Variants in GET1 observed in about 807,000 individuals in gnomAD.
GET1 encodes guided entry of tail-anchored proteins factor 1.
Under a neutral mutation model 22.6 loss-of-function variants are expected in GET1, and 20 were observed. That is an observed-to-expected ratio of 0.89 (90% CI 0.62 to 1.29). The LOEUF is 1.29. GET1 is among the 50% of genes most tolerant of loss of function. The probability of loss-of-function intolerance (pLI) is 0.00; values close to 1 mark genes in which losing one functional copy is unlikely to be tolerated. For synonymous variants in GET1, 92 were observed against 83.8 expected, an observed-to-expected ratio of 1.10 and a Z score of -0.53; for missense variants, 209 against 219.9, an observed-to-expected ratio of 0.95 and a Z score of 0.31.
chr21:39,396,497 C>T (rs535834666), intron 4 of GET1, among the ~76,000 whole-genome samples: 1 of 151,300 alleles, frequency 6.6e-6, no homozygotes, highest in South Asian at 2.1e-4. Flanking sequence ...CACTGTACTC[C>T]CACCTGGGTG....
intron 4 of GET1, 114 bp downstream of exon 4, chr21:39,393,394 G>T: frequency 1.2e-6 from 1 of 832,988 alleles, no homozygotes; most frequent in Non-Finnish European, 1.9e-6. Context: ...AGTGAGCGGG[G>T]TTTTGTGTCT....
At chr21:39,403,436 C>T (rs1323922934) in intron 4 of GET1, among the ~76,000 whole-genome samples, 1 of 151,872 alleles carries the variant, frequency 6.6e-6, no homozygotes, top group Non-Finnish European at 1.5e-5. Context: ...ACGCCATTCT[C>T]CCGCCTCAGC....
chr21:39,393,621 T>C (rs1204696740), intron 4 of GET1, among the ~76,000 whole-genome samples: 1 of 152,186 alleles, frequency 6.6e-6, no homozygotes, highest in Admixed American at 6.6e-5. Context: ...TTGGCTTCTC[T>C]GTAGCACTTG....
At chr21:39,393,088 G>C in intron 3 of GET1, 78 bp from the exon 4 acceptor site, 1 of 1,250,178 alleles carries the variant, frequency 8.0e-7, no homozygotes, top group East Asian at 2.3e-5. Context: ...TTTTATTTTC[G>C]CATTTCCCTG....
downstream of GET1, among the ~76,000 whole-genome samples, chr21:39,400,199 G>GC (rs35118065): frequency 0.63 from 95,031 of 151,928 alleles, 30,593 homozygotes; most frequent in East Asian, 0.77. Context: ...CGTGCTGACA[G>GC]CCCCCCGGAA....
intron 1 of GET1, chr21:39,411,743 T>C (rs1164022089): frequency 6.4e-7 from 1 of 1,571,394 alleles, no homozygotes; most frequent in Non-Finnish European, 8.7e-7. Flanking sequence ...CTGTGTCATG[T>C]AAATTTTTAA....
intron 1 of GET1, chr21:39,381,053 C>A (rs2037524762): frequency 5.7e-6 from 4 of 704,742 alleles, no homozygotes; most frequent in South Asian, 1.3e-4. Context: ...TGTCTCACGG[C>A]TGCTGGGAGA....
At chr21:39,410,424 G>T, downstream of GET1, 1 of 894,704 alleles carries the variant, frequency 1.1e-6, no homozygotes, top group Non-Finnish European at 1.8e-6. Flanking sequence ...ATACAATATT[G>T]ATTTTAAACA....
rs934473418 is a variant in GET1, at chr21:39,380,375, A to G, written c.-10A>G. The G allele has an allele frequency of 7.5e-6, 12 of 1,594,394 alleles. No individual in the cohort carries two copies. The highest frequency in any genetic ancestry group is 1.0e-5 in the Non-Finnish European group (12 of 1,169,098). On this transcript the variant is annotated 5_prime_UTR_variant, in exon 1 of 5. Coordinates refer to ENST00000649170, the MANE Select transcript of GET1 (RefSeq NM_004627.6). The stretch of plus-strand genomic sequence containing the variant: ...CCGTAGCGGACCCAGCACAGCCAGG[A>G]GCGTCCGGGATGAGCTCAGCCGCGG...
rs2038313773 is a variant in GET1, at chr21:39,391,809, G to A, written c.309G>A (p.Val103=). Residue 103 remains valine, a synonymous_variant, in exon 3 of 5, where the codon GTG becomes GTA. Transcript: ENST00000649170. The part of the protein sequence containing the change: ...RTAQLAKIKW[V]ISVAFYVLQA... ...CTCAATTAGCCAAGATAAAATGGGT[G>A]ATAAGTGTCGCTTTCTACGTATTGC... is the stretch of plus-strand genomic sequence containing the variant. The A allele has an allele frequency of 6.2e-7, 1 of 1,614,062 alleles. No individual in the cohort carries two copies. Among genetic ancestry groups the A allele is most frequent in the African/African-American group, 1.3e-5 (1 of 74,922 alleles).
At chr21:39,402,896 TCTAA>T (rs1435788967) in intron 4 of GET1, among the ~76,000 whole-genome samples, 5 of 152,214 alleles carry the variant, frequency 3.3e-5, no homozygotes, top group African/African-American at 9.7e-5. Flanking sequence ...TCTGTTACCC[TCTAA>T]CTTTTTTATT....
Position 39,397,704 on chromosome 21 carries a change from C to G in GET1, c.*765C>G, listed in dbSNP as rs1383513494. On this transcript the variant is annotated 3_prime_UTR_variant, in exon 5 of 5. Coordinates refer to ENST00000649170, the MANE Select transcript of GET1 (RefSeq NM_004627.6). ...AGTCCTGATTAATCTGAACCAATAA[C>G]CTGTGTGGCCTACAAAGTATAATTC... The G allele has an allele frequency of 6.6e-6, 1 of 151,946 alleles. No homozygotes were observed. The highest frequency in any genetic ancestry group is 1.9e-4 in the East Asian group (1 of 5,190). 9.4% of individuals were successfully genotyped at this position (151,946 alleles called of 1,614,324 possible). A position where few individuals can be genotyped will look rare whatever the true frequency, so the allele number is the denominator to read the frequency against.
chr21:39,391,177 G>A, intron 2 of GET1: 3 of 227,524 alleles, frequency 1.3e-5, no homozygotes, highest in African/African-American at 2.3e-5. Flanking sequence ...GAGAAGCCCA[G>A]AAAAAAAGTC....
downstream of GET1, among the ~76,000 whole-genome samples, chr21:39,399,640 T>TA (rs2038790450): frequency 6.6e-6 from 1 of 151,972 alleles, no homozygotes; most frequent in African/African-American, 2.4e-5. Flanking sequence ...GGGGTTTCAC[T>TA]ATGTTGGCCG....
At chr21:39,380,773 C>A (rs2037507140) in intron 1 of GET1, 1 of 1,120,706 alleles carries the variant, frequency 8.9e-7, no homozygotes, top group Non-Finnish European at 1.1e-6. Context: ...TCCTAGTGCC[C>A]CGCTGTCAGC....
intron 1 of GET1, chr21:39,387,791 CG>C: frequency 1.0e-6 from 1 of 985,106 alleles, no homozygotes; most frequent in Non-Finnish European, 1.2e-6. Context: ...AGGCGACTGG[CG>C]GGTCGCGGCT....
chr21:39,406,150 G>A (rs1394996327), exon 5 of GET1: 2 of 1,614,172 alleles, frequency 1.2e-6, no homozygotes. Flanking sequence ...TTTTATTCTG[G>A]AAGACTTACC....
chr21:39,408,119 C>T (rs762706014), downstream of GET1, among the ~76,000 whole-genome samples: 4 of 152,212 alleles, frequency 2.6e-5, no homozygotes, highest in Non-Finnish European at 5.9e-5. Flanking sequence ...TTGCTCTTAC[C>T]CAGCCTTGCG....
rs183284894 is a variant in GET1 at position 39,387,134 on chromosome 21, A to G, written c.103-3564A>G. On this transcript the variant is annotated intron_variant, in intron 1 of 4. Coordinates refer to ENST00000649170, the MANE Select transcript of GET1 (RefSeq NM_004627.6). ...GTCAGTCTCCGAAAGTGCTGGGATT[A>G]CTGCACTGCGCCTGGCTCAGACAGT... Among the ~76,000 whole-genome samples, 576 of 152,310 alleles carry G rather than the reference A, an allele frequency of 3.8e-3. 3 individuals are homozygous for G. Among genetic ancestry groups the G allele is most frequent in the African/African-American group, 0.013 (553 of 41,560 alleles).
Sources: gnomAD v4.1 joint callset for allele counts (sites outside exome capture counted in the v4.1 genomes callset) on GRCh38, gnomAD v4.1.1 for gene constraint, MANE v1.5 for transcripts, NCBI Gene and HGNC (gene_info 2026-07-23, HGNC 2026-07-21) for gene names.